The following ITGA9 variants were observed in gnomAD, a reference collection of about 807,000 sequenced individuals.
The protein encoded by ITGA9 is integrin subunit alpha 9.
A neutral mutation model predicts 127.8 loss-of-function variants in ITGA9; 56 were observed. The observed-to-expected ratio is 0.44, with a 90% confidence interval of 0.35 to 0.55. ITGA9 has a LOEUF of 0.55. Among genes scored for constraint, ITGA9 ranks in the 20% least tolerant of loss-of-function variants. The pLI is 0.00. For missense variants in ITGA9, 1,196 were observed against 1,347.1 expected (o/e 0.89, Z 1.76); for synonymous variants, 508 against 514.5 (o/e 0.99, Z 0.17).
chr3:37,527,714 T>C (rs1267447706), intron 13 of ITGA9, among the ~76,000 whole-genome samples: 1 of 152,218 alleles, frequency 6.6e-6, no homozygotes, highest in Non-Finnish European at 1.5e-5. Context: ...GCATCTTACT[T>C]TGGTTTGTCA....
chr3:37,783,004 TGGTGGGC>T (rs1190182360), intron 25 of ITGA9, among the ~76,000 whole-genome samples: 1 of 152,110 alleles, frequency 6.6e-6, no homozygotes, highest in African/African-American at 2.4e-5. Context: ...CCTGGCATGG[TGGTGGGC>T]ACCTGTAGTC....
intron 15 of ITGA9, among the ~76,000 whole-genome samples, chr3:37,543,326 A>G (rs887989031): frequency 2.0e-4 from 31 of 152,138 alleles, no homozygotes; most frequent in African/African-American, 7.2e-4. Flanking sequence ...AATCCAGGCC[A>G]CATGGTGGGT....
At chr3:37,560,343 G>A (rs1012744928) in intron 15 of ITGA9, among the ~76,000 whole-genome samples, 5 of 152,156 alleles carry the variant, frequency 3.3e-5, no homozygotes, top group South Asian at 4.1e-4. Context: ...TCTTAATCCA[G>A]TCTATCATTG....
chr3:37,782,478 G>T (rs1488211505), intron 25 of ITGA9, among the ~76,000 whole-genome samples: 1 of 152,224 alleles, frequency 6.6e-6, no homozygotes, highest in Non-Finnish European at 1.5e-5. Context: ...AGAGCTGAAA[G>T]CTGTAGGGTG....
chr3:37,698,085 G>C (rs1700904960), intron 18 of ITGA9, among the ~76,000 whole-genome samples: 1 of 152,232 alleles, frequency 6.6e-6, no homozygotes, highest in Non-Finnish European at 1.5e-5. Context: ...CTGATGGCCA[G>C]TGATGATGAG....
chr3:37,620,839 C>G (rs1213527801), intron 15 of ITGA9, among the ~76,000 whole-genome samples: 3 of 152,192 alleles, frequency 2.0e-5, no homozygotes, highest in African/African-American at 7.2e-5. Flanking sequence ...ATTGGATTGC[C>G]ACCATTCTTG....
chr3:37,623,912 T>G (rs1700151322), intron 15 of ITGA9, among the ~76,000 whole-genome samples: 1 of 152,176 alleles, frequency 6.6e-6, no homozygotes, highest in Admixed American at 6.5e-5. Flanking sequence ...TCTGAAGATT[T>G]CTCGTTTCTA....
intron 23 of ITGA9, among the ~76,000 whole-genome samples, chr3:37,754,738 C>A (rs1436644810): frequency 6.6e-6 from 1 of 152,158 alleles, no homozygotes; most frequent in African/African-American, 2.4e-5. Flanking sequence ...GGTGCCAGGA[C>A]TCATATTTTA....
At chr3:37,609,211 AC>A (rs955807535) in intron 15 of ITGA9, among the ~76,000 whole-genome samples, 7 of 151,718 alleles carry the variant, frequency 4.6e-5, no homozygotes, top group Non-Finnish European at 8.8e-5. Flanking sequence ...TGCCCCTCAC[AC>A]CTGCCCTTCT....
At chr3:37,661,823 G>T (rs1055623871) in intron 17 of ITGA9, among the ~76,000 whole-genome samples, 1 of 152,210 alleles carries the variant, frequency 6.6e-6, no homozygotes, top group South Asian at 2.1e-4. Flanking sequence ...TGCTAGGTGG[G>T]TTACTCCAGG....
At position 37,460,934 on chromosome 3, in the gene ITGA9, T is replaced by G. The variant is rs57997730; in HGVS notation, c.185+8375T>G. On this transcript the variant is annotated intron_variant, in intron 1 of 27. Transcript: ENST00000264741. Reference sequence around the variant, plus strand: ...AAAAATAAAAAATCACGGAACAAATTTCCTCCATCTTAGCTGATCTGTTGG... The same window carrying G: ...AAAAATAAAAAATCACGGAACAAATGTCCTCCATCTTAGCTGATCTGTTGG... 2.2e-4 allele frequency among the ~76,000 whole-genome samples: 33 copies of G among 152,128 alleles called. No homozygotes were observed. In the East Asian group the frequency reaches 6.0e-3, roughly 28 times the overall value.
At position 37,606,970 on chromosome 3, in the gene ITGA9, C is replaced by CTT. The variant is rs11306321; in HGVS notation, c.1690-22195_1690-22194dup. Among the ~76,000 whole-genome samples, 262 of 103,768 alleles carry CTT rather than the reference C, an allele frequency of 2.5e-3. 2 individuals are homozygous for CTT. The highest frequency in any genetic ancestry group is 3.4e-3 in the Non-Finnish European group (176 of 52,434). 68.1% of individuals were successfully genotyped at this position (103,768 alleles called of 152,430 possible). ...ATAACAATAGCAGGGCTCATGGCTCCTTTTTTTTTTTTTTTTTTTTTTTAA... is the reference window on the plus strand; with the variant it reads ...ATAACAATAGCAGGGCTCATGGCTCCTTTTTTTTTTTTTTTTTTTTTTTTTAA... On this transcript the variant is annotated intron_variant, in intron 15 of 27. Coordinates refer to ENST00000264741, the MANE Select transcript of ITGA9 (RefSeq NM_002207.3).
In ITGA9 at chr3:37,642,718, G is replaced by A. The variant is rs188814720; in HGVS notation, c.1840-10996G>A. On this transcript the variant is annotated intron_variant, in intron 16 of 27. Transcript: ENST00000264741. ...CGGCTTTGTTGAGAAGTCTTACTTT[G>A]TTGTCTTTCAAGTGAAAAGTGAGCT... Among the ~76,000 whole-genome samples, 609 of 152,332 alleles carry A rather than the reference G, an allele frequency of 4.0e-3. 4 individuals carry two copies. The highest frequency in any genetic ancestry group is 7.0e-3 in the Non-Finnish European group (479 of 68,018).
At chr3:37,478,137 C>T (rs916608167) in intron 3 of ITGA9, among the ~76,000 whole-genome samples, 2 of 152,192 alleles carry the variant, frequency 1.3e-5, no homozygotes, top group African/African-American at 2.4e-5. Flanking sequence ...GCCACTTCCT[C>T]CTCGGTTGGG....
chr3:37,790,176 T>C, intron 26 of ITGA9: 1 of 567,448 alleles, frequency 1.8e-6, no homozygotes, highest in Non-Finnish European at 3.4e-6. Context: ...TGAATTCCTT[T>C]GGCTCTTGAT....
chr3:37,618,862 C>T (rs946428442), intron 15 of ITGA9, among the ~76,000 whole-genome samples: 3 of 152,196 alleles, frequency 2.0e-5, no homozygotes, highest in African/African-American at 7.2e-5. Flanking sequence ...CCATCTGTCA[C>T]CCCTTTCTTT....
At chr3:37,473,136 C>CAAAAAAAAAAAAAAAAAAAA (rs36109791) in intron 2 of ITGA9, among the ~76,000 whole-genome samples, 1 of 70,778 alleles carries the variant, frequency 1.4e-5, no homozygotes, top group Non-Finnish European at 2.5e-5. Context: ...GAGACTGTCT[C>CAAAAAAAAAAAAAAAAAAAA]AAAAAAAAAA....
At chr3:37,619,228 G>T (rs148120750) in intron 15 of ITGA9, among the ~76,000 whole-genome samples, 14 of 152,312 alleles carry the variant, frequency 9.2e-5, no homozygotes, top group African/African-American at 3.4e-4. Flanking sequence ...ATATGGATCT[G>T]CCTGGTCCAC....
intron 15 of ITGA9, among the ~76,000 whole-genome samples, chr3:37,544,371 TAATTA>T (rs1699305739): frequency 1.3e-5 from 2 of 152,198 alleles, no homozygotes; most frequent in African/African-American, 4.8e-5. Context: ...ATAGAACTCC[TAATTA>T]AATCTGAATT....
Sources: gnomAD v4.1 joint callset for allele counts (sites outside exome capture counted in the v4.1 genomes callset) on GRCh38, gnomAD v4.1.1 for gene constraint, MANE v1.5 for transcripts, NCBI Gene and HGNC (gene_info 2026-07-23, HGNC 2026-07-21) for gene names.